The following DCC variants were observed in gnomAD, a reference collection of about 807,000 sequenced individuals.
The protein encoded by DCC is DCC netrin 1 receptor.
DCC carries 58 observed loss-of-function variants against 172.5 expected under a neutral mutation model. The ratio of observed to expected loss-of-function variants is 0.34; its 90% CI spans 0.27 to 0.42. The LOEUF is 0.42. DCC is among the 10% of genes least tolerant of loss of function. The pLI is 1.00. For synonymous variants in DCC, 709 were observed against 644.5 expected (o/e 1.10, Z -1.52); for missense variants, 1,740 against 1,791.0 (o/e 0.97, Z 0.51).
intron 2 of DCC, among the ~76,000 whole-genome samples, chr18:52,819,782 G>T (rs561564263): frequency 6.6e-6 from 1 of 151,550 alleles, no homozygotes; most frequent in Non-Finnish European, 1.5e-5. Context: ...GCAATGGCGC[G>T]ATCTCTGCTC....
intron 2 of DCC, among the ~76,000 whole-genome samples, chr18:52,764,012 T>C (rs1311913665): frequency 1.3e-5 from 2 of 152,244 alleles, no homozygotes; most frequent in African/African-American, 2.4e-5. Context: ...AATGTTCTTG[T>C]ATTTAGTAAA....
At chr18:53,153,146 G>A (rs577426176) in intron 7 of DCC, among the ~76,000 whole-genome samples, 5 of 152,210 alleles carry the variant, frequency 3.3e-5, no homozygotes, top group Admixed American at 2.6e-4. Context: ...CCTCTTGTTC[G>A]TATAAAACTT....
intron 1 of DCC, among the ~76,000 whole-genome samples, chr18:52,543,415 T>C (rs1297159827): frequency 6.6e-6 from 1 of 152,216 alleles, no homozygotes; most frequent in East Asian, 1.9e-4. Flanking sequence ...ATTTCCTCCA[T>C]AGCTACTTGT....
intron 1 of DCC, among the ~76,000 whole-genome samples, chr18:52,643,432 T>C (rs1164642594): frequency 6.6e-6 from 1 of 152,190 alleles, no homozygotes; most frequent in Non-Finnish European, 1.5e-5. Flanking sequence ...ATGAAGTTGA[T>C]GGTAATTGGC....
chr18:53,398,160 A>G (rs903483611), intron 18 of DCC, among the ~76,000 whole-genome samples: 3 of 152,132 alleles, frequency 2.0e-5, no homozygotes, highest in African/African-American at 7.2e-5. Context: ...TGGGTTTCAT[A>G]ATATATCATA....
intron 14 of DCC, among the ~76,000 whole-genome samples, chr18:53,329,428 G>A (rs1244875322): frequency 6.6e-6 from 1 of 151,888 alleles, no homozygotes; most frequent in Admixed American, 6.6e-5. Context: ...AATTTAATAA[G>A]GTTGTATGTT....
At chr18:52,509,914 C>A (rs986957817) in intron 1 of DCC, among the ~76,000 whole-genome samples, 1 of 152,038 alleles carries the variant, frequency 6.6e-6, no homozygotes, top group African/African-American at 2.4e-5. Context: ...ACCAGCCTGG[C>A]CAACATAGTG....
At chr18:52,506,654 T>C (rs532112878) in intron 1 of DCC, among the ~76,000 whole-genome samples, 67 of 152,258 alleles carry the variant, frequency 4.4e-4, no homozygotes, top group Admixed American at 7.2e-4. Flanking sequence ...AAAATCTATT[T>C]TTATGTCTAT....
chr18:52,494,695 G>A (rs1297002865), intron 1 of DCC, among the ~76,000 whole-genome samples: 1 of 151,962 alleles, frequency 6.6e-6, no homozygotes, highest in Non-Finnish European at 1.5e-5. Flanking sequence ...GTTCTATGAT[G>A]AAATTATTCA....
intron 22 of DCC, among the ~76,000 whole-genome samples, chr18:53,445,285 A>C (rs775977171): frequency 3.9e-5 from 6 of 152,250 alleles, no homozygotes; most frequent in Admixed American, 6.5e-5. Context: ...TGTAGAGCTC[A>C]AAGTGTTCTA....
intron 1 of DCC, among the ~76,000 whole-genome samples, chr18:52,443,872 G>A (rs887974592): frequency 1.3e-5 from 2 of 152,170 alleles, no homozygotes; most frequent in Non-Finnish European, 1.5e-5. Flanking sequence ...TAGAGACAGA[G>A]ACGGGAGAAA....
intron 2 of DCC, among the ~76,000 whole-genome samples, chr18:52,851,732 C>T (rs1178287180): frequency 2.0e-5 from 3 of 152,096 alleles, no homozygotes; most frequent in African/African-American, 7.2e-5. Flanking sequence ...GAGTAGCATC[C>T]ATCTGAAATA....
intron 2 of DCC, among the ~76,000 whole-genome samples, chr18:52,755,820 G>A (rs2037068427): frequency 6.6e-6 from 1 of 151,584 alleles, no homozygotes; most frequent in Non-Finnish European, 1.5e-5. Context: ...AGTGTCTTTT[G>A]ATAAAAAGAA....
At chr18:52,776,598 T>TA (rs1322305170) in intron 2 of DCC, among the ~76,000 whole-genome samples, 5 of 152,118 alleles carry the variant, frequency 3.3e-5, no homozygotes, top group Non-Finnish European at 7.3e-5. Context: ...TGAAAGGGTC[T>TA]ACCAAGTGCT....
rs1381069034 is a variant in DCC at position 53,307,893 on chromosome 18, GTATGTATATATATA to G, written c.2053+2178_2053+2191del. Among the ~76,000 whole-genome samples the G allele has an allele frequency of 2.2e-3, 215 of 97,540 alleles. 7 individuals are homozygous for G. Among genetic ancestry groups the G allele is most frequent in the Non-Finnish European group, 3.0e-3 (162 of 54,124 alleles). The allele number at this position is 97,540 out of a possible 152,430, so 64.0% of individuals were successfully genotyped here. On this transcript the variant is annotated intron_variant, in intron 13 of 28. Coordinates refer to ENST00000442544, the MANE Select transcript of DCC (RefSeq NM_005215.4). ...AACCCTTCTGGAAAGCAATGTGTGT[GTATGTATATATATA>G]TATATATATATATATATATATATAT...
At chr18:52,581,976 A>C (rs1056296324) in intron 1 of DCC, among the ~76,000 whole-genome samples, 9 of 152,160 alleles carry the variant, frequency 5.9e-5, no homozygotes, top group African/African-American at 1.9e-4. Flanking sequence ...CTAGAAACCA[A>C]GGGACTTCAT....
chr18:52,992,265 A>G (rs954298904), intron 5 of DCC, among the ~76,000 whole-genome samples: 1 of 152,114 alleles, frequency 6.6e-6, no homozygotes, highest in Non-Finnish European at 1.5e-5. Context: ...AGCTCCCCCA[A>G]GTGTTTGCTA....
At chr18:52,352,586 A>G (rs940965531) in intron 1 of DCC, among the ~76,000 whole-genome samples, 1 of 152,172 alleles carries the variant, frequency 6.6e-6, no homozygotes, top group African/African-American at 2.4e-5. Context: ...CAGACCCGTC[A>G]TCTACTCAGC....
chr18:52,625,202 C>T (rs965892685), intron 1 of DCC, among the ~76,000 whole-genome samples: 22 of 151,966 alleles, frequency 1.4e-4, no homozygotes, highest in East Asian at 3.9e-4. Context: ...CTGTCATTGA[C>T]GAAAATGTCA....
Sources: gnomAD v4.1 joint callset for allele counts (sites outside exome capture counted in the v4.1 genomes callset) on GRCh38, gnomAD v4.1.1 for gene constraint, MANE v1.5 for transcripts, NCBI Gene and HGNC (gene_info 2026-07-23, HGNC 2026-07-21) for gene names.